CDH4: variants seen among roughly 807,000 people sequenced by gnomAD.
CDH4 encodes cadherin-4.
Under a neutral mutation model 86.0 loss-of-function variants are expected in CDH4, and 33 were observed. The ratio of observed to expected loss-of-function variants is 0.38; its 90% CI spans 0.29 to 0.51. CDH4 has a LOEUF of 0.51. Among genes scored for constraint, CDH4 ranks in the 20% least tolerant of loss-of-function variants. The pLI, the probability that CDH4 is intolerant of heterozygous loss-of-function variation, is 0.86. For synonymous variants in CDH4, 555 were observed against 549.4 expected, an observed-to-expected ratio of 1.01 and a Z score of -0.14; for missense variants, 1,114 against 1,307.4, an observed-to-expected ratio of 0.85 and a Z score of 2.28.
chr20:61,581,128 C>T (rs1442423417), intron 2 of CDH4, among the ~76,000 whole-genome samples: 1 of 152,222 alleles, frequency 6.6e-6, no homozygotes. Context: ...CGCCTTGCTT[C>T]CCGCTGGCCT....
Position 61,735,972 on chromosome 20 carries a change from C to T in CDH4, c.170-7591C>T, listed in dbSNP as rs2088257950. ...TTTGCAAGGCTAGGAAAGGCCGTAG[C>T]TCTCTTAACATTGGGCCCTAAAGGG... On this transcript the variant is annotated intron_variant, in intron 2 of 15. Transcript: ENST00000614565. Among the ~76,000 whole-genome samples, 3 of 152,286 alleles carry T rather than the reference C, an allele frequency of 2.0e-5. No individual in the cohort carries two copies. The South Asian group carries it at 6.2e-4, about 32-fold the overall frequency.
chr20:61,823,195 G>T (rs1981132828), intron 4 of CDH4, among the ~76,000 whole-genome samples: 1 of 25,986 alleles, frequency 3.8e-5, no homozygotes, highest in African/African-American at 1.4e-4. Flanking sequence ...TTTACCCAGA[G>T]TTGGCCAGTT....
At chr20:61,694,659 C>T (rs1286737682) in intron 2 of CDH4, among the ~76,000 whole-genome samples, 2 of 152,164 alleles carry the variant, frequency 1.3e-5, no homozygotes, top group South Asian at 2.1e-4. Flanking sequence ...CAGGCACCTC[C>T]AGGAGGAGGG....
At chr20:61,391,594 C>T (rs893439645) in intron 2 of CDH4, among the ~76,000 whole-genome samples, 7 of 152,200 alleles carry the variant, frequency 4.6e-5, no homozygotes, top group African/African-American at 1.2e-4. Flanking sequence ...ATCTGTTGGT[C>T]TCATTTCCTG....
intron 2 of CDH4, among the ~76,000 whole-genome samples, chr20:61,592,700 G>A (rs2086526657): frequency 6.6e-6 from 1 of 152,076 alleles, no homozygotes; most frequent in Non-Finnish European, 1.5e-5. Flanking sequence ...GCCTTTTCGG[G>A]ATACCCTATG....
chr20:61,352,757 C>T (rs1347847598), intron 2 of CDH4, among the ~76,000 whole-genome samples: 5 of 152,066 alleles, frequency 3.3e-5, no homozygotes, highest in African/African-American at 9.7e-5. Flanking sequence ...TTCACTCCCC[C>T]CGGTCACCTG....
At chr20:61,644,938 G>A (rs186402908) in intron 2 of CDH4, among the ~76,000 whole-genome samples, 8 of 152,306 alleles carry the variant, frequency 5.3e-5, no homozygotes, top group Non-Finnish European at 1.0e-4. Context: ...AAGGGACCCC[G>A]TCAGCCGACT....
chr20:61,289,519 T>C (rs1487214243), intron 2 of CDH4, among the ~76,000 whole-genome samples: 1 of 152,220 alleles, frequency 6.6e-6, no homozygotes, highest in Non-Finnish European at 1.5e-5. Flanking sequence ...ATCTCTGTTC[T>C]GGTGCTGTGT....
chr20:61,633,902 C>T (rs773358283), intron 2 of CDH4, among the ~76,000 whole-genome samples: 6 of 152,164 alleles, frequency 3.9e-5, no homozygotes, highest in Non-Finnish European at 7.3e-5. Flanking sequence ...CTCAGAAACA[C>T]GAGGGCTTTC....
chr20:61,684,451 A>C lies in CDH4; in HGVS notation c.170-59112A>C, dbSNP rs115953019. ...AATGCAGGGGCAGGGACATCTCAGG[A>C]CCTTTTATACAAAATAGCCTTGAGC... On this transcript the variant is annotated intron_variant, in intron 2 of 15. Transcript: ENST00000614565. This position sits in a 1 kb window ranked among gnomAD's most constrained non-coding sequence, Gnocchi z 4.5. Among the ~76,000 whole-genome samples, 6,952 of 152,202 alleles carry C rather than the reference A, an allele frequency of 0.046. 304 individuals carry two copies. The highest frequency in any genetic ancestry group is 0.1 in the African/African-American group (4,241 of 41,488).
At chr20:61,494,351 T>G (rs2085644866) in intron 2 of CDH4, among the ~76,000 whole-genome samples, 1 of 152,242 alleles carries the variant, frequency 6.6e-6, no homozygotes, top group South Asian at 2.1e-4. Flanking sequence ...AATCATATGC[T>G]GCTATGAAAG....
Position 61,252,646 on chromosome 20 carries a change from C to T in CDH4, c.57+76C>T. On this transcript the variant is annotated intron_variant, in intron 1 of 15. Coordinates refer to ENST00000614565, the MANE Select transcript of CDH4 (RefSeq NM_001794.5). This position sits in a 1 kb window ranked among gnomAD's most constrained non-coding sequence, Gnocchi z 4.4. Reference sequence around the variant, plus strand: ...GGTCGTCCCCGGATCCCGCGGGGCGCTCACACACCCGGCGGGGCTCTCCCG... The same window carrying T: ...GGTCGTCCCCGGATCCCGCGGGGCGTTCACACACCCGGCGGGGCTCTCCCG... 1.1e-6 allele frequency: 1 copy of T among 878,524 alleles called. No homozygotes were observed. Among genetic ancestry groups the T allele is most frequent in the Non-Finnish European group, 1.5e-6 (1 of 678,448 alleles). The allele number at this position is 878,524 out of a possible 1,614,324, so 54.4% of individuals were successfully genotyped here.
intron 2 of CDH4, among the ~76,000 whole-genome samples, chr20:61,548,655 AG>A (rs1310617836): frequency 6.6e-6 from 1 of 152,218 alleles, no homozygotes; most frequent in African/African-American, 2.4e-5. Context: ...TGCCTCTAAA[AG>A]CACCCATTTT....
chr20:61,579,897 T>C (rs2086412678), intron 2 of CDH4, among the ~76,000 whole-genome samples: 1 of 152,100 alleles, frequency 6.6e-6, no homozygotes, highest in Non-Finnish European at 1.5e-5. Flanking sequence ...ATGTACTGCC[T>C]TTTTTTGTAA....
chr20:61,866,156 AC>A (rs1983539055), intron 6 of CDH4, among the ~76,000 whole-genome samples: 1 of 151,902 alleles, frequency 6.6e-6, no homozygotes, highest in Non-Finnish European at 1.5e-5. Flanking sequence ...CCTCGGTGCC[AC>A]CCCCTGGCAT....
intron 2 of CDH4, among the ~76,000 whole-genome samples, chr20:61,426,717 C>T (rs1178595014): frequency 1.3e-5 from 2 of 152,202 alleles, no homozygotes; most frequent in Non-Finnish European, 2.9e-5. Flanking sequence ...CTGTTGACAC[C>T]AGCGAAGGTG....
In CDH4 at chr20:61,383,537, ATATATATGAATATATATG is replaced by A. The variant is rs1286126718; in HGVS notation, c.169+128601_169+128618del. Among the ~76,000 whole-genome samples the A allele has an allele frequency of 1.4e-4, 10 of 72,604 alleles. 1 individual carries two copies. The highest frequency in any genetic ancestry group is 1.8e-4 in the Non-Finnish European group (7 of 39,992). 47.6% of individuals were successfully genotyped at this position (72,604 alleles called of 152,430 possible). On this transcript the variant is annotated intron_variant, in intron 2 of 15. Transcript: ENST00000614565. Reference sequence around the variant, plus strand: ...TATGAATATGTATGAATATATATGAATATATATGAATATATATGATATATGATATATGATATATATGAA... The same window carrying A: ...TATGAATATGTATGAATATATATGAAATATATGATATATGATATATATGAA...
At chr20:61,874,940 C>T (rs62204969) in intron 7 of CDH4, among the ~76,000 whole-genome samples, 44,459 of 151,960 alleles carry the variant, frequency 0.29, 7,835 homozygotes, top group Non-Finnish European at 0.4. Flanking sequence ...TGGCCTCAAC[C>T]CTTCTGCTCC....
intron 3 of CDH4, among the ~76,000 whole-genome samples, chr20:61,762,150 G>A (rs1568801460): frequency 6.6e-6 from 1 of 152,222 alleles, no homozygotes; most frequent in Non-Finnish European, 1.5e-5. Context: ...CCAAGTCAGA[G>A]TAAGACCGTT....
Sources: allele counts gnomAD v4.1 joint callset (sites outside exome capture counted in the v4.1 genomes callset), GRCh38; gene constraint gnomAD v4.1.1; non-coding constraint Gnocchi (gnomAD v3.1); transcripts MANE v1.5; gene names NCBI Gene and HGNC (gene_info 2026-07-23, HGNC 2026-07-21).